The following CLVS1 variants were observed in gnomAD, a reference collection of about 807,000 sequenced individuals.
CLVS1 encodes clavesin-1.
CLVS1 carries 10 observed loss-of-function variants against 33.1 expected under a neutral mutation model. The observed-to-expected ratio is 0.30, with a 90% CI of 0.19 to 0.51. CLVS1 has a LOEUF of 0.51. Ranked by LOEUF, CLVS1 falls within the 20% of genes least tolerant of loss-of-function variation. The probability of loss-of-function intolerance (pLI) is 0.97; values close to 1 mark genes in which losing one functional copy is unlikely to be tolerated. For synonymous variants in CLVS1, 163 were observed against 166.1 expected, an observed-to-expected ratio of 0.98 and a Z score of 0.14; for missense variants, 343 against 433.4, an observed-to-expected ratio of 0.79 and a Z score of 1.85.
At chr8:61,164,759 TG>T (rs1354257960) in intron 2 of CLVS1, among the ~76,000 whole-genome samples, 3 of 152,156 alleles carry the variant, frequency 2.0e-5, no homozygotes, top group African/African-American at 7.2e-5. Flanking sequence ...TGTGTCTGTA[TG>T]GGGGAGCTGT....
chr8:61,153,608 A>ACGGT (rs944601983), intron 2 of CLVS1, among the ~76,000 whole-genome samples: 3 of 152,174 alleles, frequency 2.0e-5, no homozygotes, highest in Non-Finnish European at 4.4e-5. Flanking sequence ...GGTTTGTGCC[A>ACGGT]CGGTCGGGGA....
intron 2 of CLVS1, among the ~76,000 whole-genome samples, chr8:61,232,023 G>GTTTGTTTTTTTT: frequency 1.3e-4 from 8 of 62,656 alleles, no homozygotes; most frequent in African/African-American, 2.4e-4. Context: ...GAAAGTTGTG[G>GTTTGTTTTTTTT]TTTTTTTTTT....
At chr8:61,168,922 C>T (rs1305509570) in intron 2 of CLVS1, among the ~76,000 whole-genome samples, 1 of 152,244 alleles carries the variant, frequency 6.6e-6, no homozygotes, top group Non-Finnish European at 1.5e-5. Flanking sequence ...TTATATACTG[C>T]TCCAGACGTC....
intron 5 of CLVS1, 64 bp from the exon 6 acceptor site, chr8:61,499,391 A>G: frequency 8.5e-7 from 1 of 1,182,356 alleles, no homozygotes. Context: ...GATGTCTTCA[A>G]AGGTTCCAAA....
chr8:61,345,579 G>A (rs1274250783), intron 2 of CLVS1, among the ~76,000 whole-genome samples: 2 of 151,496 alleles, frequency 1.3e-5, no homozygotes, highest in Non-Finnish European at 2.9e-5. Context: ...CCTCGAATAT[G>A]GTGCCTGCTC....
chr8:61,266,027 C>T (rs1332811776), intron 2 of CLVS1, among the ~76,000 whole-genome samples: 4 of 152,114 alleles, frequency 2.6e-5, no homozygotes, highest in Non-Finnish European at 5.9e-5. Context: ...ATGGACAGGT[C>T]TAAGGCTTCC....
intron 2 of CLVS1, among the ~76,000 whole-genome samples, chr8:61,353,333 T>A (rs1394896291): frequency 6.6e-6 from 1 of 151,912 alleles, no homozygotes; most frequent in Admixed American, 6.6e-5. Flanking sequence ...ATAAATGAAA[T>A]CATACTAAGT....
the CLVS1 span, chr8:60,967,474 A>G: frequency 2.9e-6 from 1 of 342,570 alleles, no homozygotes; most frequent in Non-Finnish European, 5.8e-6. Context: ...AGAGACATAA[A>G]TCGTGAAGCT....
intron 2 of CLVS1, among the ~76,000 whole-genome samples, chr8:61,132,331 T>C (rs1334210097): frequency 6.6e-6 from 1 of 152,040 alleles, no homozygotes; most frequent in Non-Finnish European, 1.5e-5. Flanking sequence ...ATCCTGGAGA[T>C]GAGGGGGCAC....
chr8:61,141,139 G>A (rs990782459), intron 2 of CLVS1, among the ~76,000 whole-genome samples: 5 of 152,300 alleles, frequency 3.3e-5, no homozygotes, highest in Admixed American at 6.5e-5. Flanking sequence ...TACATATAAA[G>A]CAAAATAATG....
chr8:61,393,449 G>C (rs1040631827), intron 3 of CLVS1, among the ~76,000 whole-genome samples: 1 of 152,148 alleles, frequency 6.6e-6, no homozygotes, highest in Non-Finnish European at 1.5e-5. Flanking sequence ...TGGAGAGCTA[G>C]TGTGGTCTTT....
At chr8:61,337,624 ATTT>A (rs1811852769) in intron 2 of CLVS1, among the ~76,000 whole-genome samples, 1 of 152,078 alleles carries the variant, frequency 6.6e-6, no homozygotes. Context: ...ACCAATTGCA[ATTT>A]GTGATGTGGG....
At chr8:61,023,959 T>G in the CLVS1 span, among the ~76,000 whole-genome samples, 1 of 152,160 alleles carries the variant, frequency 6.6e-6, no homozygotes, top group East Asian at 1.9e-4. Flanking sequence ...GTTCCGCGCC[T>G]CCCGTTCTTC....
chr8:61,135,074 A>G (rs1251577978), intron 2 of CLVS1, among the ~76,000 whole-genome samples: 1 of 151,856 alleles, frequency 6.6e-6, no homozygotes, highest in Admixed American at 6.6e-5. Context: ...CAAGAGGAAA[A>G]TCCTAAAAAG....
At chr8:61,468,270 G>A (rs998237889) in intron 5 of CLVS1, among the ~76,000 whole-genome samples, 4 of 152,118 alleles carry the variant, frequency 2.6e-5, no homozygotes, top group Admixed American at 2.0e-4. Context: ...TGTCTTGCAC[G>A]TAGCATATGT....
At chr8:61,479,683 T>C (rs1403554149) in intron 5 of CLVS1, among the ~76,000 whole-genome samples, 2 of 152,232 alleles carry the variant, frequency 1.3e-5, no homozygotes, top group East Asian at 1.9e-4. Flanking sequence ...TTCCGGTTTT[T>C]CTGCTCTGTT....
chr8:61,389,788 TAG>T (rs1424600448), intron 3 of CLVS1, among the ~76,000 whole-genome samples: 1 of 152,156 alleles, frequency 6.6e-6, no homozygotes, highest in African/African-American at 2.4e-5. Flanking sequence ...CATAAAATAT[TAG>T]AGAGATGTTC....
intron 1 of CLVS1, among the ~76,000 whole-genome samples, chr8:61,064,783 G>A (rs61665198): frequency 0.2 from 30,188 of 151,058 alleles, 3,249 homozygotes; most frequent in South Asian, 0.29. Context: ...CTCACTGCAA[G>A]CTCTGCCTCC....
At chr8:61,487,918 T>A (rs1336291569) in intron 5 of CLVS1, among the ~76,000 whole-genome samples, 1 of 152,236 alleles carries the variant, frequency 6.6e-6, no homozygotes, top group Non-Finnish European at 1.5e-5. Context: ...TTCTACCTGC[T>A]TCAGAACACC....
Sources: allele counts gnomAD v4.1 joint callset (sites outside exome capture counted in the v4.1 genomes callset), GRCh38; gene constraint gnomAD v4.1.1; transcripts MANE v1.5; gene names NCBI Gene and HGNC (gene_info 2026-07-23, HGNC 2026-07-21).